The following ATXN7L1 variants were observed in gnomAD, a reference collection of about 807,000 sequenced individuals.
ATXN7L1 encodes ataxin-7-like protein 1.
In ATXN7L1, 15 loss-of-function variants were observed where a neutral mutation model predicts 70.8. The ratio of observed to expected loss-of-function variants is 0.21; its 90% confidence interval spans 0.14 to 0.33. The LOEUF (loss-of-function observed/expected upper bound fraction) is 0.33. ATXN7L1 is among the 10% of genes least tolerant of loss of function. ATXN7L1 has a pLI of 1.00. For missense variants in ATXN7L1, 975 were observed against 1,097.1 expected (o/e 0.89, Z 1.57); for synonymous variants, 440 against 445.1 (o/e 0.99, Z 0.14).
chr7:105,623,729 A>G (rs1044030024), intron 8 of ATXN7L1, among the ~76,000 whole-genome samples: 27 of 152,370 alleles, frequency 1.8e-4, no homozygotes, highest in African/African-American at 6.5e-4. Flanking sequence ...TTAGATGGAC[A>G]AGGCCAGAGG....
intron 4 of ATXN7L1, among the ~76,000 whole-genome samples, chr7:105,652,151 C>A (rs1419928627): frequency 6.6e-6 from 1 of 152,166 alleles, no homozygotes; most frequent in Non-Finnish European, 1.5e-5. Context: ...ATCGAGCCCT[C>A]ATGCAGTAGG....
chr7:105,714,707 C>G (rs999297699), intron 3 of ATXN7L1, among the ~76,000 whole-genome samples: 1 of 152,108 alleles, frequency 6.6e-6, no homozygotes, highest in Non-Finnish European at 1.5e-5. Context: ...CTGTCGCCCA[C>G]GCTGGAGTGC....
chr7:105,818,586 C>T (rs558088121), intron 2 of ATXN7L1, among the ~76,000 whole-genome samples: 2 of 152,172 alleles, frequency 1.3e-5, no homozygotes, highest in Non-Finnish European at 2.9e-5. Flanking sequence ...GCTGCCCTAA[C>T]ACAGCTTTGT....
In ATXN7L1 at chr7:105,629,479, AT is replaced by A. The variant is rs1181399986; in HGVS notation, c.1203-5213del. On this transcript the variant is annotated intron_variant, in intron 7 of 11. Coordinates refer to ENST00000419735, the MANE Select transcript of ATXN7L1 (RefSeq NM_020725.2). ...TAAATAATATATATAATTATATATTATTTTTTATATATATGTATTATTATTA... is the reference window on the plus strand; with the variant it reads ...TAAATAATATATATAATTATATATTATTTTTATATATATGTATTATTATTA... Among the ~76,000 whole-genome samples the A allele has an allele frequency of 3.4e-5, 5 of 147,832 alleles. No individual in the cohort carries two copies. In the Admixed American group the frequency reaches 3.4e-4, roughly 10 times the overall value.
chr7:105,750,163 G>A (rs964391117), intron 3 of ATXN7L1, among the ~76,000 whole-genome samples: 1 of 151,848 alleles, frequency 6.6e-6, no homozygotes, highest in Non-Finnish European at 1.5e-5. Context: ...GACTTCCAAG[G>A]AAGGGTAAGT....
intron 3 of ATXN7L1, among the ~76,000 whole-genome samples, chr7:105,684,551 A>G (rs1215245673): frequency 6.6e-6 from 1 of 152,140 alleles, no homozygotes; most frequent in Non-Finnish European, 1.5e-5. Context: ...TATTTCACAC[A>G]TTTTGCTGCC....
chr7:105,862,260 C>A (rs930977955), intron 2 of ATXN7L1, among the ~76,000 whole-genome samples: 1 of 152,008 alleles, frequency 6.6e-6, no homozygotes, highest in Non-Finnish European at 1.5e-5. Context: ...CATAGGGAGA[C>A]CCCGTCTCTA....
At chr7:105,613,660 G>C in intron 10 of ATXN7L1, 2 of 1,435,542 alleles carry the variant, frequency 1.4e-6, no homozygotes, top group African/African-American at 2.9e-5. Context: ...GCCGAGAACA[G>C]TGTCTAGCAC....
At chr7:105,753,982 C>G (rs1382574354) in intron 3 of ATXN7L1, among the ~76,000 whole-genome samples, 1 of 152,132 alleles carries the variant, frequency 6.6e-6, no homozygotes, top group African/African-American at 2.4e-5. Context: ...CCCCCAAAAG[C>G]CATTTTAATC....
intron 2 of ATXN7L1, among the ~76,000 whole-genome samples, chr7:105,820,741 C>A (rs1810014655): frequency 6.6e-6 from 1 of 152,080 alleles, no homozygotes; most frequent in Non-Finnish European, 1.5e-5. Flanking sequence ...TGAAGGTGGG[C>A]CCTATTAAGA....
chr7:105,750,898 T>A (rs1473813312), intron 3 of ATXN7L1, among the ~76,000 whole-genome samples: 3 of 152,202 alleles, frequency 2.0e-5, no homozygotes, highest in Non-Finnish European at 2.9e-5. Flanking sequence ...CCTTCCACGA[T>A]CTGGTTCCAA....
chr7:105,688,323 C>T (rs1481799356), intron 3 of ATXN7L1, among the ~76,000 whole-genome samples: 3 of 152,164 alleles, frequency 2.0e-5, no homozygotes, highest in African/African-American at 7.2e-5. Flanking sequence ...GGGTGGATGG[C>T]TTGACCTCAG....
At chr7:105,638,256 T>C in intron 7 of ATXN7L1, 97 bp downstream of exon 7, 1 of 1,403,158 alleles carries the variant, frequency 7.1e-7, no homozygotes, top group Non-Finnish European at 9.5e-7. Flanking sequence ...ACTATTATGA[T>C]TTCCATTTAA....
chr7:105,852,659 CTT>C (rs1815048634), intron 2 of ATXN7L1, among the ~76,000 whole-genome samples: 1 of 151,810 alleles, frequency 6.6e-6, no homozygotes, highest in South Asian at 2.1e-4. Flanking sequence ...CCTCGGCTGG[CTT>C]ATCTCGGAAG....
At chr7:105,860,413 G>A (rs1490530090) in intron 2 of ATXN7L1, among the ~76,000 whole-genome samples, 1 of 152,038 alleles carries the variant, frequency 6.6e-6, no homozygotes, top group African/African-American at 2.4e-5. Context: ...CTAGGATGCT[G>A]GAGCTAATGT....
At chr7:105,645,678 C>T (rs1798891958) in intron 4 of ATXN7L1, among the ~76,000 whole-genome samples, 1 of 149,406 alleles carries the variant, frequency 6.7e-6, no homozygotes, top group Non-Finnish European at 1.5e-5. Context: ...CCAGGCGTGG[C>T]AGCGGGCGCC....
At chr7:105,691,683 AAGAGAG>A (rs369401233) in intron 3 of ATXN7L1, 3 of 151,520 alleles carry the variant, frequency 2.0e-5, no homozygotes, top group African/African-American at 7.3e-5. Context: ...GAAAAAAAAA[AAGAGAG>A]AGAGAGAGAA....
intron 3 of ATXN7L1, among the ~76,000 whole-genome samples, chr7:105,744,297 A>G (rs1206650772): frequency 4.6e-5 from 7 of 152,156 alleles, no homozygotes; most frequent in African/African-American, 7.2e-5. Context: ...TTATTAATCC[A>G]TTTTACATGC....
Position 105,605,042 on chromosome 7 carries a change from C to CGTT in ATXN7L1, c.*2809_*2810insAAC. 1 of 71,562 alleles carries CGTT rather than the reference C, an allele frequency of 1.4e-5. No homozygotes were observed. Among genetic ancestry groups the CGTT allele is most frequent in the African/African-American group, 5.6e-5 (1 of 17,984 alleles). The allele number at this position is 71,562 out of a possible 1,614,324, so 4.4% of individuals were successfully genotyped here. A position where few individuals can be genotyped will look rare whatever the true frequency, so the allele number is the denominator to read the frequency against. The stretch of plus-strand genomic sequence containing the variant: ...GAAGGCATACAAGTTATCCAAGTCG[C>CGTT]TTTTTTTTTTTTTTTTTTTTTTTTA... On this transcript the variant is annotated 3_prime_UTR_variant, in exon 12 of 12. Coordinates refer to ENST00000419735, the MANE Select transcript of ATXN7L1 (RefSeq NM_020725.2).
Sources: gnomAD v4.1 joint callset for allele counts (sites outside exome capture counted in the v4.1 genomes callset) on GRCh38, gnomAD v4.1.1 for gene constraint, MANE v1.5 for transcripts, NCBI Gene and HGNC (gene_info 2026-07-23, HGNC 2026-07-21) for gene names.